The following GRID2 variants were observed in gnomAD, a reference collection of about 807,000 sequenced individuals.
The protein encoded by GRID2 is glutamate receptor ionotropic, delta-2.
GRID2 carries 33 observed loss-of-function variants against 114.8 expected under a neutral mutation model. The observed-to-expected ratio is 0.29, with a 90% CI of 0.22 to 0.38. The LOEUF is 0.38. Among genes scored for constraint, GRID2 ranks in the 10% least tolerant of loss-of-function variants. The pLI is 1.00. For synonymous variants in GRID2, 505 were observed against 449.9 expected (o/e 1.12, Z -1.55); for missense variants, 1,184 against 1,257.7 (o/e 0.94, Z 0.89).
At chr4:93,404,775 A>G (rs1401196049) in intron 9 of GRID2, among the ~76,000 whole-genome samples, 3 of 152,140 alleles carry the variant, frequency 2.0e-5, no homozygotes, top group African/African-American at 7.2e-5. Context: ...AGGGATTATC[A>G]AGGAATAGAT....
chr4:93,787,075 TCTGTTATTCCCTAGGA>T (rs1734607972), intron 1 of GRID2, among the ~76,000 whole-genome samples: 1 of 151,650 alleles, frequency 6.6e-6, no homozygotes, highest in Admixed American at 6.6e-5. Context: ...ATCTAGTTGC[TCTGTTATTCCCTAGGA>T]CTTTGGAGTC....
At chr4:92,788,808 G>C (rs1378448579) in intron 2 of GRID2, among the ~76,000 whole-genome samples, 1 of 151,544 alleles carries the variant, frequency 6.6e-6, no homozygotes, top group African/African-American at 2.4e-5. Context: ...TTTCTCTTGA[G>C]ATGTATTTTT....
intron 2 of GRID2, among the ~76,000 whole-genome samples, chr4:92,703,417 G>C (rs970580600): frequency 3.3e-5 from 5 of 151,846 alleles, no homozygotes; most frequent in Non-Finnish European, 5.9e-5. Context: ...TGAACTATTA[G>C]GGCTTTAGAG....
chr4:93,124,425 T>C (rs1734090490), intron 4 of GRID2, among the ~76,000 whole-genome samples: 1 of 152,188 alleles, frequency 6.6e-6, no homozygotes, highest in Non-Finnish European at 1.5e-5. Flanking sequence ...CTATTTAATT[T>C]GCTTAGTACA....
chr4:93,477,822 C>G (rs1037576418), intron 11 of GRID2, among the ~76,000 whole-genome samples: 2 of 152,048 alleles, frequency 1.3e-5, no homozygotes, highest in African/African-American at 4.8e-5. Context: ...TAAATGAGAC[C>G]TAGAGATAGA....
At chr4:92,384,501 T>C (rs1729788691) in intron 1 of GRID2, among the ~76,000 whole-genome samples, 2 of 41,194 alleles carry the variant, frequency 4.9e-5, no homozygotes, top group Non-Finnish European at 8.0e-5. Context: ...AATAAAAATA[T>C]ATATTATATA....
intron 14 of GRID2, among the ~76,000 whole-genome samples, chr4:93,751,242 C>G (rs1276525698): frequency 6.6e-6 from 1 of 152,134 alleles, no homozygotes; most frequent in African/African-American, 2.4e-5. Context: ...CAAATTTGAT[C>G]TCATGAAAAG....
chr4:93,058,373 T>C (rs1399201442), intron 2 of GRID2, among the ~76,000 whole-genome samples: 2 of 152,034 alleles, frequency 1.3e-5, no homozygotes, highest in Admixed American at 1.3e-4. Flanking sequence ...CAATTGCTTT[T>C]ATGAGAAATT....
At chr4:92,944,361 G>T (rs1751437119) in intron 2 of GRID2, among the ~76,000 whole-genome samples, 1 of 152,204 alleles carries the variant, frequency 6.6e-6, no homozygotes, top group Admixed American at 6.5e-5. Flanking sequence ...GTGGGCATAG[G>T]ACCCTCTGAG....
intron 1 of GRID2, among the ~76,000 whole-genome samples, chr4:92,523,088 A>G (rs894131243): frequency 6.6e-6 from 1 of 152,050 alleles, no homozygotes; most frequent in Non-Finnish European, 1.5e-5. Flanking sequence ...ACAAATAAAC[A>G]CTGAGTGGTG....
chr4:93,110,222 T>C (rs1224368814), intron 3 of GRID2, among the ~76,000 whole-genome samples: 1 of 152,194 alleles, frequency 6.6e-6, no homozygotes, highest in African/African-American at 2.4e-5. Flanking sequence ...GTGGTCTAAG[T>C]TACCTGAGGC....
At chr4:92,400,842 A>G (rs1009545858) in intron 1 of GRID2, among the ~76,000 whole-genome samples, 56 of 152,156 alleles carry the variant, frequency 3.7e-4, no homozygotes, top group African/African-American at 1.3e-3. Flanking sequence ...CTTGCCCTAA[A>G]GACTCATGAT....
intron 1 of GRID2, among the ~76,000 whole-genome samples, chr4:92,326,109 G>A (rs1354809950): frequency 6.6e-6 from 1 of 151,726 alleles, no homozygotes; most frequent in Non-Finnish European, 1.5e-5. Context: ...TTTACATACT[G>A]GAACTGATTT....
chr4:93,673,019 C>T (rs554351752), intron 14 of GRID2, among the ~76,000 whole-genome samples: 59 of 152,176 alleles, frequency 3.9e-4, no homozygotes, highest in African/African-American at 1.2e-3. Flanking sequence ...TATTTATCAG[C>T]GGTAGAACCA....
chr4:93,297,331 C>T (rs1277238590), intron 8 of GRID2, among the ~76,000 whole-genome samples: 2 of 151,980 alleles, frequency 1.3e-5, no homozygotes, highest in Non-Finnish European at 1.5e-5. Context: ...ATTATTCTAT[C>T]GCCATTAAAG....
At chr4:93,684,574 C>G (rs1363390418) in intron 14 of GRID2, among the ~76,000 whole-genome samples, 4 of 151,888 alleles carry the variant, frequency 2.6e-5, no homozygotes, top group African/African-American at 4.8e-5. Flanking sequence ...AGTTCATTGA[C>G]AGGTGGGCAA....
chr4:92,352,238 T>C (rs1396284043), intron 1 of GRID2, among the ~76,000 whole-genome samples: 2 of 151,926 alleles, frequency 1.3e-5, no homozygotes, highest in African/African-American at 4.8e-5. Context: ...ATTACTCTTA[T>C]GATTAGTGGT....
chr4:92,763,842 T>G (rs1738137479), intron 2 of GRID2, among the ~76,000 whole-genome samples: 1 of 152,274 alleles, frequency 6.6e-6, no homozygotes, highest in Admixed American at 6.5e-5. Context: ...AGACTTTGTA[T>G]TTTACTCTGA....
chr4:92,727,062 A>G (rs1736101845), intron 2 of GRID2, among the ~76,000 whole-genome samples: 1 of 152,074 alleles, frequency 6.6e-6, no homozygotes, highest in Admixed American at 6.6e-5. Context: ...TTATCTAGTT[A>G]TCTAATAACA....
Sources: allele counts gnomAD v4.1 joint callset (sites outside exome capture counted in the v4.1 genomes callset), GRCh38; gene constraint gnomAD v4.1.1; transcripts MANE v1.5; gene names NCBI Gene and HGNC (gene_info 2026-07-23, HGNC 2026-07-21).